Variants in AMD1 observed in about 807,000 individuals in gnomAD.
The protein encoded by AMD1 is S-adenosylmethionine decarboxylase proenzyme.
A neutral mutation model predicts 40.2 loss-of-function variants in AMD1; 11 were observed. The observed-to-expected ratio is 0.27, with a 90% confidence interval of 0.17 to 0.45. The LOEUF is 0.45. Ranked by LOEUF, AMD1 falls within the 20% of genes least tolerant of loss-of-function variation. AMD1 has a pLI of 1.00. For missense variants in AMD1, 257 were observed against 410.2 expected (o/e 0.63, Z 3.23); for synonymous variants, 121 against 130.8 (o/e 0.93, Z 0.51).
chr6:110,815,787 T>A, the AMD1 span: 1 of 152,432 alleles, frequency 6.6e-6, no homozygotes, highest in African/African-American at 2.4e-5. Flanking sequence ...GCAGAGAGTA[T>A]GGAAAGCATT....
intron 4 of AMD1, chr6:110,891,935 G>A (rs1047325220): frequency 1.1e-5 from 6 of 570,512 alleles, no homozygotes; most frequent in Admixed American, 3.2e-5. Context: ...TAGCGATGGG[G>A]TTTCATCATG....
chr6:110,877,703 C>A (rs949354359), intron 1 of AMD1, among the ~76,000 whole-genome samples: 1 of 152,200 alleles, frequency 6.6e-6, no homozygotes, highest in African/African-American at 2.4e-5. Context: ...ATATGTAGTA[C>A]GTAAACTGTT....
chr6:110,863,187 C>T, the AMD1 span, among the ~76,000 whole-genome samples: 36 of 150,860 alleles, frequency 2.4e-4, no homozygotes, highest in Non-Finnish European at 4.1e-4. Flanking sequence ...TCTCGTGATC[C>T]GCCCGCCTCG....
chr6:110,817,135 GACATA>G, the AMD1 span, among the ~76,000 whole-genome samples: 1 of 152,140 alleles, frequency 6.6e-6, no homozygotes, highest in Non-Finnish European at 1.5e-5. Context: ...GCTAGGATAG[GACATA>G]ACACATTCAT....
chr6:110,877,304 C>T (rs1203625988), intron 1 of AMD1, among the ~76,000 whole-genome samples: 1 of 152,330 alleles, frequency 6.6e-6, no homozygotes. Flanking sequence ...ACTAAGGTCC[C>T]GTGATAACCT....
the AMD1 span, among the ~76,000 whole-genome samples, chr6:110,836,986 T>C: frequency 6.6e-6 from 1 of 151,650 alleles, no homozygotes; most frequent in Admixed American, 6.6e-5. Flanking sequence ...AGACCTTGTC[T>C]CTACAAATTT....
At chr6:110,880,232 T>A (rs1490862024) in intron 1 of AMD1, among the ~76,000 whole-genome samples, 3 of 152,202 alleles carry the variant, frequency 2.0e-5, no homozygotes, top group Non-Finnish European at 4.4e-5. Flanking sequence ...GTCCATTTTT[T>A]AATCACTTTT....
the AMD1 span, chr6:110,863,814 C>T: frequency 3.0e-6 from 1 of 336,292 alleles, no homozygotes; most frequent in South Asian, 2.8e-5. Flanking sequence ...AAACAAATGG[C>T]ATCACCTGGA....
At chr6:110,848,009 C>T in the AMD1 span, among the ~76,000 whole-genome samples, 3 of 151,766 alleles carry the variant, frequency 2.0e-5, no homozygotes, top group Non-Finnish European at 2.9e-5. Context: ...CCACCGCACC[C>T]GGCCAGCAAA....
rs764450124 is a variant in AMD1, at chr6:110,892,729, C to G, written c.616-6C>G. The G allele has an allele frequency of 1.1e-5, 17 of 1,611,628 alleles. No individual in the cohort carries two copies. The highest frequency in any genetic ancestry group is 4.4e-5 in the South Asian group (4 of 90,870). Reference sequence around the variant, plus strand: ...CTTGTTAAACTCGGTCTTTTTCCCCCCCCAGGAGAGTGGAATTCGTGACCT... The same window carrying G: ...CTTGTTAAACTCGGTCTTTTTCCCCGCCCAGGAGAGTGGAATTCGTGACCT... On this transcript the variant is annotated splice_region_variant and splice_polypyrimidine_tract_variant and intron_variant, in intron 6 of 8. Transcript: ENST00000368885.
chr6:110,855,065 CTTTTTTTTTTT>C, the AMD1 span, among the ~76,000 whole-genome samples: 3 of 80,446 alleles, frequency 3.7e-5, no homozygotes, highest in African/African-American at 4.9e-5. Flanking sequence ...CTCTCTCTCT[CTTTTTTTTTTT>C]TTTTTTTTTT....
intron 1 of AMD1, chr6:110,875,530 C>T (rs956368985): frequency 6.9e-5 from 17 of 245,406 alleles, no homozygotes; most frequent in African/African-American, 2.3e-4. Flanking sequence ...GGTGGTTTTG[C>T]GGCCCGCGCC....
At chr6:110,860,875 AGAG>A in the AMD1 span, among the ~76,000 whole-genome samples, 1 of 135,716 alleles carries the variant, frequency 7.4e-6, no homozygotes, top group African/African-American at 3.0e-5. Context: ...ACACACAGAG[AGAG>A]AGAACAATCA....
the AMD1 span, chr6:110,815,275 C>T: frequency 4.0e-6 from 4 of 999,354 alleles, no homozygotes; most frequent in South Asian, 2.6e-5. Flanking sequence ...CCGCCCGCCG[C>T]TCCGCGGTCC....
Position 110,889,052 on chromosome 6 carries a change from G to T in AMD1, c.324+69G>T, listed in dbSNP as rs545422062. On this transcript the variant is annotated intron_variant, in intron 3 of 8. Transcript: ENST00000368885. Reference sequence around the variant, plus strand: ...GCGTTCTTATCCTGTAATATGCGAAGTAAATAAATTTATATACTTACTGCC... The same window carrying T: ...GCGTTCTTATCCTGTAATATGCGAATTAAATAAATTTATATACTTACTGCC... The T allele has an allele frequency of 7.0e-5, 109 of 1,558,338 alleles. 1 individual carries two copies. The African/African-American group carries it at 1.3e-3, about 18-fold the overall frequency.
chr6:110,888,830 T>TAA (rs771566127), intron 2 of AMD1, 27 bp from the exon 3 acceptor site: 5 of 1,606,488 alleles, frequency 3.1e-6, no homozygotes, highest in Non-Finnish European at 4.2e-6. Context: ...AGTATTGTTA[T>TAA]AATATTGTGA....
the AMD1 span, among the ~76,000 whole-genome samples, chr6:110,868,748 GTTAAAC>G: frequency 6.6e-6 from 1 of 152,048 alleles, no homozygotes; most frequent in Non-Finnish European, 1.5e-5. Context: ...TTGTTTCACA[GTTAAAC>G]TTAAATTAAT....
chr6:110,817,861 C>G, the AMD1 span, among the ~76,000 whole-genome samples: 1 of 152,010 alleles, frequency 6.6e-6, no homozygotes, highest in South Asian at 2.1e-4. Flanking sequence ...TTTTTTCACT[C>G]CAGCCCCATC....
At chr6:110,869,285 C>A in the AMD1 span, among the ~76,000 whole-genome samples, 121 of 151,768 alleles carry the variant, frequency 8.0e-4, no homozygotes, top group African/African-American at 2.7e-3. Context: ...AGCCCGCCAC[C>A]GCGCCCGGCT....
Sources: allele counts gnomAD v4.1 joint callset (sites outside exome capture counted in the v4.1 genomes callset), GRCh38; gene constraint gnomAD v4.1.1; transcripts MANE v1.5; gene names NCBI Gene and HGNC (gene_info 2026-07-23, HGNC 2026-07-21).